The following SLC2A9 variants were observed in gnomAD, a reference collection of about 807,000 sequenced individuals.
SLC2A9 encodes the protein solute carrier family 2 member 9, also known as solute carrier family 2, facilitated glucose transporter member 9.
A neutral mutation model predicts 50.6 loss-of-function variants in SLC2A9; 39 were observed. The ratio of observed to expected loss-of-function variants is 0.77; its 90% CI spans 0.60 to 1.01. The LOEUF (loss-of-function observed/expected upper bound fraction) is 1.01, where lower values mean the gene tolerates loss of function less well. SLC2A9 is among the 50% of genes least tolerant of loss of function. SLC2A9 has a pLI of 0.00. For synonymous variants in SLC2A9, 324 were observed against 276.9 expected, an observed-to-expected ratio of 1.17 and a Z score of -1.69; for missense variants, 686 against 677.6, an observed-to-expected ratio of 1.01 and a Z score of -0.14.
At chr4:9,927,071 C>A (rs1298896012) in intron 6 of SLC2A9, among the ~76,000 whole-genome samples, 1 of 150,826 alleles carries the variant, frequency 6.6e-6, no homozygotes, top group Non-Finnish European at 1.5e-5. Context: ...TTCTTGTTGC[C>A]CAGACTGCAG....
rs138916724 is a variant in SLC2A9, at chr4:10,021,358, G to T, written c.72C>A (p.Ala24=). 6.2e-7 allele frequency: 1 copy of T among 1,614,238 alleles called. No individual in the cohort carries two copies. The highest frequency in any genetic ancestry group is 8.5e-7 in the Non-Finnish European group (1 of 1,180,042). Residue 24 remains alanine, a synonymous_variant, in exon 1 of 12, where the codon GCC becomes GCA. Transcript: ENST00000264784. The part of the protein sequence containing the change: ...LVPLTDDTSH[A]GPPGPGRALL... ...GTGCCCTCCCTGGCCCTGGAGGCCC[G>T]GCGTGGCTGGTGTCATCTGTGAGGG...
chr4:9,930,855 A>T (rs6449137), intron 6 of SLC2A9, among the ~76,000 whole-genome samples: 59,546 of 152,000 alleles, frequency 0.39, 12,963 homozygotes, highest in African/African-American at 0.57. Flanking sequence ...AAGAGGAGCC[A>T]GGTGACCACC....
intron 8 of SLC2A9, among the ~76,000 whole-genome samples, chr4:9,893,111 C>G (rs1458354604): frequency 6.6e-6 from 1 of 152,174 alleles, no homozygotes; most frequent in Non-Finnish European, 1.5e-5. Flanking sequence ...ATTACATTTT[C>G]TTGACATTAA....
intron 1 of SLC2A9, among the ~76,000 whole-genome samples, chr4:10,031,135 A>T (rs1427086300): frequency 6.6e-6 from 1 of 152,228 alleles, no homozygotes; most frequent in African/African-American, 2.4e-5. Context: ...AGGGACCAGG[A>T]ATGCTCAGAT....
chr4:9,892,311 G>A (rs141987055), intron 8 of SLC2A9, among the ~76,000 whole-genome samples: 1 of 152,344 alleles, frequency 6.6e-6, no homozygotes, highest in East Asian at 1.9e-4. Context: ...GGCCCCGAAA[G>A]TCAGAGGCCT....
chr4:9,815,060 G>C (rs1290019938), intron 3 of SLC2A9, among the ~76,000 whole-genome samples: 1 of 152,156 alleles, frequency 6.6e-6, no homozygotes, highest in African/African-American at 2.4e-5. Flanking sequence ...AAGAGGGTTT[G>C]AATCACAGAA....
At chr4:10,027,711 C>A (rs540395327) in intron 1 of SLC2A9, among the ~76,000 whole-genome samples, 1 of 151,910 alleles carries the variant, frequency 6.6e-6, no homozygotes, top group African/African-American at 2.4e-5. Flanking sequence ...AACTGCCTAC[C>A]CAGGCATTTT....
intron 2 of SLC2A9, among the ~76,000 whole-genome samples, chr4:10,007,609 T>C: frequency 6.6e-6 from 1 of 152,232 alleles, no homozygotes; most frequent in East Asian, 1.9e-4. Flanking sequence ...AATATTATTC[T>C]TATTCAATCA....
chr4:9,920,177 G>C (rs1018320948), intron 7 of SLC2A9, among the ~76,000 whole-genome samples: 1 of 152,222 alleles, frequency 6.6e-6, no homozygotes, highest in Non-Finnish European at 1.5e-5. Context: ...CACTTTGCAT[G>C]GATTGTGTCT....
intron 7 of SLC2A9, among the ~76,000 whole-genome samples, chr4:9,913,792 G>A (rs6839218): frequency 0.011 from 1,642 of 152,322 alleles, 43 homozygotes; most frequent in African/African-American, 0.037. Flanking sequence ...GCATCTTAAA[G>A]CTAGAGGTGC....
chr4:9,899,633 C>G lies in SLC2A9; in HGVS notation c.1113+8602G>C, dbSNP rs141295654. Among the ~76,000 whole-genome samples, 360 of 152,268 alleles carry G rather than the reference C, an allele frequency of 2.4e-3. 3 individuals are homozygous for G. Among genetic ancestry groups the G allele is most frequent in the African/African-American group, 8.0e-3 (331 of 41,550 alleles). On this transcript the variant is annotated intron_variant, in intron 8 of 11. Transcript: ENST00000264784. ...ATGAAACAAACTTTTTTGGGAATTT[C>G]TGCTTAAAAGATGAATGTGCATAAA...
At chr4:9,820,548 T>C (rs930425832) in intron 3 of SLC2A9, among the ~76,000 whole-genome samples, 1 of 152,250 alleles carries the variant, frequency 6.6e-6, no homozygotes, top group East Asian at 1.9e-4. Context: ...CTTTTAACTT[T>C]AGTAAAGTCA....
intron 3 of SLC2A9, among the ~76,000 whole-genome samples, chr4:9,786,022 C>T (rs1019437853): frequency 6.6e-6 from 1 of 152,060 alleles, no homozygotes; most frequent in African/African-American, 2.4e-5. Context: ...GTAATTCAGG[C>T]GGAGGGAGTG....
intron 10 of SLC2A9, among the ~76,000 whole-genome samples, chr4:9,883,602 A>C (rs1481548669): frequency 6.6e-6 from 1 of 152,212 alleles, no homozygotes; most frequent in Non-Finnish European, 1.5e-5. Flanking sequence ...TGCCATTATG[A>C]GTGGAAACTG....
chr4:9,830,310 C>T (rs898275927), intron 11 of SLC2A9, among the ~76,000 whole-genome samples: 24 of 152,156 alleles, frequency 1.6e-4, no homozygotes, highest in African/African-American at 5.3e-4. Context: ...GGGAGCTGAA[C>T]AACGAGAACA....
intron 3 of SLC2A9, among the ~76,000 whole-genome samples, chr4:9,989,767 C>T (rs759297863): frequency 7.2e-5 from 11 of 152,060 alleles, no homozygotes; most frequent in Non-Finnish European, 1.5e-4. Context: ...GGATCTGACT[C>T]CAAATATCCC....
intron 3 of SLC2A9, among the ~76,000 whole-genome samples, chr4:9,818,816 G>A (rs1723989296): frequency 1.3e-5 from 2 of 152,148 alleles, no homozygotes; most frequent in Admixed American, 1.3e-4. Flanking sequence ...TGGGATGGGG[G>A]CAGGTGAAAA....
chr4:9,782,856 C>T (rs1406855194), intron 3 of SLC2A9: 1 of 1,612,184 alleles, frequency 6.2e-7, no homozygotes, highest in Admixed American at 1.7e-5. Context: ...CGGAGCAGCG[C>T]AGCCTGCGCG....
upstream of SLC2A9, among the ~76,000 whole-genome samples, chr4:10,023,258 G>A (rs1033578054): frequency 3.3e-5 from 5 of 152,216 alleles, no homozygotes; most frequent in African/African-American, 7.2e-5. Flanking sequence ...TGTCAGTGAA[G>A]CATGGTTGGG....
Sources: allele counts gnomAD v4.1 joint callset (sites outside exome capture counted in the v4.1 genomes callset), GRCh38; gene constraint gnomAD v4.1.1; transcripts MANE v1.5; gene names NCBI Gene and HGNC (gene_info 2026-07-23, HGNC 2026-07-21).